The following BCL11B variants were observed in gnomAD, a reference collection of about 807,000 sequenced individuals.
BCL11B encodes B-cell lymphoma/leukemia 11B.
A neutral mutation model predicts 49.9 loss-of-function variants in BCL11B; 8 were observed. The ratio of observed to expected loss-of-function variants is 0.16; its 90% CI spans 0.09 to 0.29. The LOEUF (loss-of-function observed/expected upper bound fraction) is 0.29. BCL11B is among the 10% of genes least tolerant of loss of function. The probability of loss-of-function intolerance (pLI) is 1.00; values close to 1 mark genes in which losing one functional copy is unlikely to be tolerated. For missense variants in BCL11B, 1,006 were observed against 1,351.0 expected (o/e 0.74, Z 4.00); for synonymous variants, 739 against 637.4 (o/e 1.16, Z -2.40).
chr14:99,193,127 C>T (rs1887085481), intron 3 of BCL11B, among the ~76,000 whole-genome samples: 1 of 152,128 alleles, frequency 6.6e-6, no homozygotes, highest in African/African-American at 2.4e-5. Context: ...AAGGGGCCTT[C>T]CAGGTACAAT....
chr14:99,238,769 C>T (rs1245334480), intron 2 of BCL11B, among the ~76,000 whole-genome samples: 3 of 152,298 alleles, frequency 2.0e-5, no homozygotes, highest in East Asian at 1.9e-4. Flanking sequence ...GGACGCTGAT[C>T]ATTCCTTTGC....
At position 99,272,174 on chromosome 14, in the gene BCL11B, G is replaced by A. The variant is rs932674715; in HGVS notation, c.-956C>T. ...AAGATGGCGGAGTCCGGGTTCTCTG[G>A]GAGCTCTCGGTCTCTCTATGGCTGG... On this transcript the variant is annotated 5_prime_UTR_variant, in exon 1 of 4. Transcript: ENST00000357195. This position sits in a 1 kb window ranked among gnomAD's most constrained non-coding sequence, Gnocchi z 6.0. Among the ~76,000 whole-genome samples, 1 of 152,148 alleles carries A rather than the reference G, an allele frequency of 6.6e-6. No homozygotes were observed. Among genetic ancestry groups the A allele is most frequent in the Non-Finnish European group, 1.5e-5 (1 of 68,008 alleles).
chr14:99,245,993 G>A (rs1595070538), intron 2 of BCL11B, among the ~76,000 whole-genome samples: 1 of 152,304 alleles, frequency 6.6e-6, no homozygotes, highest in East Asian at 1.9e-4. Context: ...GGGCTGCAGA[G>A]TGCTCCGAGG....
At chr14:99,243,365 A>C (rs941520) in intron 2 of BCL11B, among the ~76,000 whole-genome samples, 65,578 of 151,950 alleles carry the variant, frequency 0.43, 14,814 homozygotes, top group Non-Finnish European at 0.5. Flanking sequence ...CCTCTAGAAG[A>C]GGCTATTTGA....
intron 3 of BCL11B, among the ~76,000 whole-genome samples, chr14:99,223,662 A>G (rs1051482266): frequency 6.6e-6 from 1 of 152,236 alleles, no homozygotes; most frequent in Non-Finnish European, 1.5e-5. Flanking sequence ...GCGGTTATGG[A>G]CCAGCCATGG....
intron 3 of BCL11B, among the ~76,000 whole-genome samples, chr14:99,185,474 G>C (rs1344967763): frequency 6.6e-6 from 1 of 150,494 alleles, no homozygotes; most frequent in Non-Finnish European, 1.5e-5. Flanking sequence ...TATATGACCA[G>C]TAATGTTCAA....
At chr14:99,245,813 C>T (rs1046819372) in intron 2 of BCL11B, among the ~76,000 whole-genome samples, 1 of 152,146 alleles carries the variant, frequency 6.6e-6, no homozygotes, top group Non-Finnish European at 1.5e-5. Flanking sequence ...CACAAAGGGG[C>T]CCGGGGCCGG....
chr14:99,188,639 T>C (rs775828294), intron 3 of BCL11B, among the ~76,000 whole-genome samples: 101 of 152,192 alleles, frequency 6.6e-4, no homozygotes, highest in Non-Finnish European at 1.3e-3. Context: ...AGTTCGTCTT[T>C]CTGGGGAAGG....
intron 2 of BCL11B, among the ~76,000 whole-genome samples, chr14:99,235,092 G>A (rs914585475): frequency 5.3e-5 from 8 of 152,136 alleles, no homozygotes. Context: ...GGAGCGTGGA[G>A]ACACAAAAAC....
chr14:99,256,017 A>G (rs1347897288), intron 2 of BCL11B, among the ~76,000 whole-genome samples: 1 of 152,190 alleles, frequency 6.6e-6, no homozygotes, highest in Non-Finnish European at 1.5e-5. Flanking sequence ...CTCCCCACAA[A>G]AGAGAGGGCT....
At chr14:99,263,557 C>T (rs1382794471) in intron 1 of BCL11B, among the ~76,000 whole-genome samples, 2 of 152,330 alleles carry the variant, frequency 1.3e-5, no homozygotes, top group Admixed American at 6.5e-5. Context: ...AGACTCCAGG[C>T]GGGAAAGTCG....
At chr14:99,185,046 G>C (rs1479317656) in intron 3 of BCL11B, among the ~76,000 whole-genome samples, 1 of 152,148 alleles carries the variant, frequency 6.6e-6, no homozygotes, top group Non-Finnish European at 1.5e-5. Flanking sequence ...GGGGGTCAGG[G>C]AGTGGGAGTG....
intron 3 of BCL11B, among the ~76,000 whole-genome samples, chr14:99,202,845 T>C (rs1041952273): frequency 1.3e-5 from 2 of 152,184 alleles, no homozygotes; most frequent in East Asian, 3.9e-4. Context: ...GACCCAGAAG[T>C]GTCCCTTCTC....
At position 99,171,520 on chromosome 14, in the gene BCL11B, T is replaced by C. The variant is rs1242753698; in HGVS notation, c.*2631A>G. The C allele has an allele frequency of 9.5e-6, 2 of 211,532 alleles. No individual in the cohort carries two copies. The highest frequency in any genetic ancestry group is 9.6e-6 in the Non-Finnish European group (1 of 104,354). 13.1% of individuals were successfully genotyped at this position (211,532 alleles called of 1,614,324 possible). A position where few individuals can be genotyped will look rare whatever the true frequency, so the allele number is the denominator to read the frequency against. ...AAAAAATTACGAGCTCCAGTAAAAA[T>C]ACAGCAAGTGCCTACATCATATGAA... On this transcript the variant is annotated 3_prime_UTR_variant, in exon 4 of 4. Coordinates refer to ENST00000357195, the MANE Select transcript of BCL11B (RefSeq NM_138576.4).
At chr14:99,189,310 C>T (rs1304150259) in intron 3 of BCL11B, among the ~76,000 whole-genome samples, 1 of 152,264 alleles carries the variant, frequency 6.6e-6, no homozygotes. Context: ...TTTCCGGGTG[C>T]CCGGATGCAC....
intron 1 of BCL11B, among the ~76,000 whole-genome samples, chr14:99,258,732 C>T (rs1460030313): frequency 6.6e-6 from 1 of 152,214 alleles, no homozygotes; most frequent in Non-Finnish European, 1.5e-5. Context: ...TCATCAACTC[C>T]CCACTGTCCT....
chr14:99,200,821 C>A (rs1244749782), intron 3 of BCL11B, among the ~76,000 whole-genome samples: 1 of 152,198 alleles, frequency 6.6e-6, no homozygotes, highest in Non-Finnish European at 1.5e-5. Context: ...TGGCTCACCT[C>A]GGGGCCTGGA....
Position 99,169,882 on chromosome 14 carries a change from G to T in BCL11B, c.*4269C>A. ...AAAGACCCTCTAATGCCAAGTGGCA[G>T]GTTCCAATTGGGGGCAACTTTGAAC... On this transcript the variant is annotated 3_prime_UTR_variant, in exon 4 of 4. Coordinates refer to ENST00000357195, the MANE Select transcript of BCL11B (RefSeq NM_138576.4). 1 of 229,760 alleles carries T rather than the reference G, an allele frequency of 4.4e-6. No homozygotes were observed. Among genetic ancestry groups the T allele is most frequent in the African/African-American group, 2.2e-5 (1 of 45,230 alleles). The allele number at this position is 229,760 out of a possible 1,614,324, so 14.2% of individuals were successfully genotyped here.
Position 99,175,390 on chromosome 14 carries a change from G to A in BCL11B, c.1446C>T (p.Gly482=). 6.3e-7 allele frequency: 1 copy of A among 1,599,554 alleles called. No individual in the cohort carries two copies. Among genetic ancestry groups the A allele is most frequent in the South Asian group, 1.1e-5 (1 of 90,308 alleles). The change falls in exon 4 of 4, where the codon GGC becomes GGT. Residue 482 remains glycine, a synonymous_variant. Coordinates refer to ENST00000357195, the MANE Select transcript of BCL11B (RefSeq NM_138576.4). ...RHMKTHMHKA[G]SLAGRSDDGL... ...CGTCGTCGGAGCGGCCGGCCAGCGAGCCGGCCTTGTGCATGTGCGTCTTCA... is the reference window on the plus strand; with the variant it reads ...CGTCGTCGGAGCGGCCGGCCAGCGAACCGGCCTTGTGCATGTGCGTCTTCA...
Sources: allele counts gnomAD v4.1 joint callset (sites outside exome capture counted in the v4.1 genomes callset), GRCh38; gene constraint gnomAD v4.1.1; non-coding constraint Gnocchi (gnomAD v3.1); transcripts MANE v1.5; gene names NCBI Gene and HGNC (gene_info 2026-07-23, HGNC 2026-07-21).